The following PLCB1 variants were observed in gnomAD, a reference collection of about 807,000 sequenced individuals.
The protein encoded by PLCB1 is phospholipase C beta 1, also known as 1-phosphatidylinositol 4,5-bisphosphate phosphodiesterase beta-1.
A neutral mutation model predicts 161.8 loss-of-function variants in PLCB1; 46 were observed. The ratio of observed to expected loss-of-function variants is 0.28; its 90% CI spans 0.22 to 0.36. The LOEUF is 0.36. Among genes scored for constraint, PLCB1 ranks in the 10% least tolerant of loss-of-function variants. The pLI, the probability that PLCB1 is intolerant of heterozygous loss-of-function variation, is 1.00. For synonymous variants in PLCB1, 517 were observed against 503.7 expected (o/e 1.03, Z -0.35); for missense variants, 1,016 against 1,472.5 (o/e 0.69, Z 5.07).
intron 3 of PLCB1, among the ~76,000 whole-genome samples, chr20:8,444,780 T>A (rs930142583): frequency 8.5e-5 from 13 of 152,364 alleles, no homozygotes; most frequent in Admixed American, 6.5e-4. Flanking sequence ...GGTTTTGATT[T>A]GCATTTCTCT....
chr20:8,428,323 C>A (rs544498594), intron 3 of PLCB1, among the ~76,000 whole-genome samples: 2 of 151,948 alleles, frequency 1.3e-5, no homozygotes, highest in African/African-American at 4.8e-5. Context: ...CGGGTTCAAG[C>A]GATTCACCTG....
chr20:8,203,020 T>G (rs574825894), intron 2 of PLCB1, among the ~76,000 whole-genome samples: 5 of 152,082 alleles, frequency 3.3e-5, no homozygotes, highest in African/African-American at 1.2e-4. Flanking sequence ...ACGTGGCAAG[T>G]AGTGAGTAGT....
intron 2 of PLCB1, among the ~76,000 whole-genome samples, chr20:8,268,611 C>T (rs1009721292): frequency 6.6e-6 from 1 of 152,222 alleles, no homozygotes. Flanking sequence ...TATTTCTCCA[C>T]ATCCTCTCCA....
At chr20:8,412,321 A>C (rs1979080552) in intron 3 of PLCB1, among the ~76,000 whole-genome samples, 1 of 152,212 alleles carries the variant, frequency 6.6e-6, no homozygotes, top group South Asian at 2.1e-4. Flanking sequence ...CACATGGTCT[A>C]ACCCCAAATC....
At chr20:8,705,154 C>G (rs1409583824) in intron 11 of PLCB1, among the ~76,000 whole-genome samples, 3 of 151,928 alleles carry the variant, frequency 2.0e-5, no homozygotes, top group Non-Finnish European at 4.4e-5. Context: ...CACCCCATGA[C>G]CCAGTCAAGT....
At chr20:8,180,770 T>G (rs1411930598) in intron 2 of PLCB1, among the ~76,000 whole-genome samples, 2 of 152,162 alleles carry the variant, frequency 1.3e-5, no homozygotes, top group Non-Finnish European at 1.5e-5. Flanking sequence ...CTAACAGTCT[T>G]TAACTATCTG....
intron 31 of PLCB1, among the ~76,000 whole-genome samples, chr20:8,878,837 G>A (rs557269430): frequency 6.6e-6 from 1 of 151,630 alleles, no homozygotes; most frequent in East Asian, 1.9e-4. Context: ...TTTGTTACAT[G>A]AGTATATTGT....
chr20:8,515,629 C>G (rs988700693), intron 3 of PLCB1, among the ~76,000 whole-genome samples: 1 of 152,140 alleles, frequency 6.6e-6, no homozygotes, highest in Non-Finnish European at 1.5e-5. Context: ...GTGCCTTGAT[C>G]AGAAATAATT....
chr20:8,345,363 T>A (rs1181593496), intron 2 of PLCB1, among the ~76,000 whole-genome samples: 1 of 152,206 alleles, frequency 6.6e-6, no homozygotes, highest in Non-Finnish European at 1.5e-5. Flanking sequence ...CCTCAGCGAA[T>A]GACCCTAAGC....
At chr20:8,554,837 C>T (rs934396732) in intron 3 of PLCB1, among the ~76,000 whole-genome samples, 17 of 152,084 alleles carry the variant, frequency 1.1e-4, no homozygotes, top group African/African-American at 1.9e-4. Context: ...TGCTGTTCTA[C>T]GTTAACTCAG....
chr20:8,524,750 T>G (rs1003293328), intron 3 of PLCB1, among the ~76,000 whole-genome samples: 3 of 152,208 alleles, frequency 2.0e-5, no homozygotes, highest in Non-Finnish European at 4.4e-5. Flanking sequence ...TTGTTTTGTT[T>G]GTATGAAAAG....
At chr20:8,638,965 TTTTTC>T (rs1555778861) in intron 4 of PLCB1, among the ~76,000 whole-genome samples, 1 of 137,988 alleles carries the variant, frequency 7.2e-6, no homozygotes, top group South Asian at 2.3e-4. Context: ...TTTTGTTCAG[TTTTTC>T]TTTTCTTTTC....
At chr20:8,834,810 G>GAAAAAA (rs10568816) in intron 31 of PLCB1, among the ~76,000 whole-genome samples, 1 of 85,602 alleles carries the variant, frequency 1.2e-5, no homozygotes, top group African/African-American at 4.6e-5. Flanking sequence ...CTCTGCCTCA[G>GAAAAAA]AAAAAAAAAA....
intron 2 of PLCB1, among the ~76,000 whole-genome samples, chr20:8,163,325 G>A (rs1416352925): frequency 6.6e-6 from 1 of 152,202 alleles, no homozygotes; most frequent in Admixed American, 6.5e-5. Context: ...TCTCTCAGGG[G>A]TTATTTTCTC....
At chr20:8,677,861 T>G (rs1990124825) in intron 9 of PLCB1, among the ~76,000 whole-genome samples, 2 of 152,242 alleles carry the variant, frequency 1.3e-5, no homozygotes, top group Non-Finnish European at 1.5e-5. Context: ...GAATGCTTTC[T>G]CTGGAAGCTA....
chr20:8,847,513 T>C (rs917978938), intron 31 of PLCB1, among the ~76,000 whole-genome samples: 4 of 152,176 alleles, frequency 2.6e-5, no homozygotes, highest in African/African-American at 9.7e-5. Context: ...TGGTATCTTG[T>C]TGAAGTGTTT....
intron 3 of PLCB1, among the ~76,000 whole-genome samples, chr20:8,561,154 G>T (rs954745310): frequency 6.6e-6 from 1 of 151,922 alleles, no homozygotes; most frequent in Admixed American, 6.6e-5. Context: ...AAGACCGTTA[G>T]TGGAGAGAAT....
At chr20:8,412,357 C>G (rs919412347) in intron 3 of PLCB1, among the ~76,000 whole-genome samples, 33 of 152,196 alleles carry the variant, frequency 2.2e-4, no homozygotes, top group Admixed American at 6.5e-5. Flanking sequence ...ACACAACCCC[C>G]TACTTGACCC....
At chr20:8,799,322 G>A (rs1166913504) in intron 31 of PLCB1, among the ~76,000 whole-genome samples, 2 of 152,138 alleles carry the variant, frequency 1.3e-5, no homozygotes, top group East Asian at 3.9e-4. Context: ...TTAACACCGG[G>A]AATAGGATGA....
Sources: allele counts gnomAD v4.1 joint callset (sites outside exome capture counted in the v4.1 genomes callset), GRCh38; gene constraint gnomAD v4.1.1; transcripts MANE v1.5; gene names NCBI Gene and HGNC (gene_info 2026-07-23, HGNC 2026-07-21).